The following ADGRL2 variants were observed in gnomAD, a reference collection of about 807,000 sequenced individuals.
The protein encoded by ADGRL2 is calcium-independent alpha-latrotoxin receptor 2.
Under a neutral mutation model 157.4 loss-of-function variants are expected in ADGRL2, and 44 were observed. The observed-to-expected ratio is 0.28, with a 90% CI of 0.22 to 0.36. The LOEUF (loss-of-function observed/expected upper bound fraction) is 0.36, where lower values mean the gene tolerates loss of function less well. Ranked by LOEUF, ADGRL2 falls within the 10% of genes least tolerant of loss-of-function variation. ADGRL2 has a pLI of 1.00. For synonymous variants in ADGRL2, 585 were observed against 624.7 expected (o/e 0.94, Z 0.95); for missense variants, 1,510 against 1,768.9 (o/e 0.85, Z 2.63).
chr1:81,547,850 T>G (rs1328271489), intron 2 of ADGRL2, among the ~76,000 whole-genome samples: 1 of 152,210 alleles, frequency 6.6e-6, no homozygotes, highest in Non-Finnish European at 1.5e-5. Flanking sequence ...TGCTTTAATT[T>G]ACTATCTCAA....
upstream of ADGRL2, among the ~76,000 whole-genome samples, chr1:81,696,013 A>G (rs559361535): frequency 1.3e-3 from 200 of 152,210 alleles, no homozygotes; most frequent in African/African-American, 4.5e-3. Context: ...CTCTCTCGCC[A>G]TCCAGTGCTG....
chr1:81,615,279 G>T (rs1487386593), intron 3 of ADGRL2, among the ~76,000 whole-genome samples: 2 of 152,184 alleles, frequency 1.3e-5, no homozygotes, highest in Non-Finnish European at 2.9e-5. Context: ...GGACCAATCA[G>T]CAGGATGTGG....
intron 2 of ADGRL2, among the ~76,000 whole-genome samples, chr1:81,906,201 C>T (rs904095599): frequency 6.6e-6 from 1 of 152,124 alleles, no homozygotes; most frequent in Non-Finnish European, 1.5e-5. Flanking sequence ...CTGAAGATTT[C>T]TGAGTTCCAG....
intron 3 of ADGRL2, among the ~76,000 whole-genome samples, chr1:81,637,861 C>T (rs2082143809): frequency 6.6e-6 from 1 of 151,468 alleles, no homozygotes; most frequent in Non-Finnish European, 1.5e-5. Context: ...TACCATACAC[C>T]TAGTGAATGT....
intron 3 of ADGRL2, among the ~76,000 whole-genome samples, chr1:81,654,308 C>T (rs1181930654): frequency 6.6e-6 from 1 of 152,170 alleles, no homozygotes; most frequent in African/African-American, 2.4e-5. Flanking sequence ...CTCAGTCACC[C>T]AGCCTCGAAA....
chr1:81,657,033 A>G (rs2082549676), intron 3 of ADGRL2, among the ~76,000 whole-genome samples: 1 of 148,010 alleles, frequency 6.8e-6, no homozygotes, highest in African/African-American at 2.5e-5. Context: ...AAAAAAATTC[A>G]GAAAGCCATG....
intron 3 of ADGRL2, among the ~76,000 whole-genome samples, chr1:81,691,904 ATATAGATATATG>A (rs1350668606): frequency 1.8e-4 from 26 of 147,296 alleles, no homozygotes; most frequent in Non-Finnish European, 1.4e-4. Context: ...ATGTATGTGT[ATATAGATATATG>A]TGTGTATATA....
At chr1:81,554,410 G>A (rs1180373152) in intron 2 of ADGRL2, among the ~76,000 whole-genome samples, 1 of 151,984 alleles carries the variant, frequency 6.6e-6, no homozygotes, top group Non-Finnish European at 1.5e-5. Context: ...CTTGCTGCTG[G>A]GTTCAAGGCC....
At chr1:81,433,247 C>T (rs1317739668) in intron 1 of ADGRL2, among the ~76,000 whole-genome samples, 1 of 152,102 alleles carries the variant, frequency 6.6e-6, no homozygotes, top group East Asian at 1.9e-4. Flanking sequence ...TCCTATTTTA[C>T]TTGAATAATT....
At chr1:81,922,339 T>C (rs1259599858) in intron 3 of ADGRL2, among the ~76,000 whole-genome samples, 1 of 152,152 alleles carries the variant, frequency 6.6e-6, no homozygotes, top group Non-Finnish European at 1.5e-5. Flanking sequence ...GTGAATTCCC[T>C]CCTTTCACTT....
rs561779656 is a variant in ADGRL2 at position 81,442,972 on chromosome 1, C to T, written c.-301-2064C>T. ...AATTATTGGTCTCCAAAAACCTACTCTGTTGCTCTCACAATAGTAATTTAA... is the reference window on the plus strand; with the variant it reads ...AATTATTGGTCTCCAAAAACCTACTTTGTTGCTCTCACAATAGTAATTTAA... On this transcript the variant is annotated intron_variant, in intron 1 of 24. Transcript: ENST00000370721. Among the ~76,000 whole-genome samples the T allele has an allele frequency of 2.0e-5, 3 of 152,334 alleles. No individual in the cohort carries two copies. The South Asian group carries it at 6.2e-4, about 32-fold the overall frequency.
At chr1:81,310,154 A>G (rs1396564115) in intron 1 of ADGRL2, among the ~76,000 whole-genome samples, 1 of 152,176 alleles carries the variant, frequency 6.6e-6, no homozygotes, top group African/African-American at 2.4e-5. Flanking sequence ...GTAGCAATGC[A>G]TGTTTAAACG....
intron 3 of ADGRL2, among the ~76,000 whole-genome samples, chr1:81,631,628 G>A (rs2082012555): frequency 1.3e-5 from 2 of 152,188 alleles, no homozygotes; most frequent in Admixed American, 1.3e-4. Context: ...GGTATGAGGT[G>A]CAATGGATCA....
In ADGRL2 at chr1:81,443,218, C is replaced by T. The variant is rs549515102; in HGVS notation, c.-301-1818C>T. On this transcript the variant is annotated intron_variant, in intron 1 of 24. Coordinates refer to the ADGRL2 transcript ENST00000370721. ...GGTGGATCACCTGAAGTCAAGAGTT[C>T]GAGATCAGCCTGGCCAACATGATGA... 5.3e-5 allele frequency among the ~76,000 whole-genome samples: 8 copies of T among 152,152 alleles called. No homozygotes were observed. The South Asian group carries it at 8.3e-4, about 16-fold the overall frequency.
intron 1 of ADGRL2, among the ~76,000 whole-genome samples, chr1:81,726,050 C>T (rs1296661875): frequency 6.6e-6 from 1 of 152,130 alleles, no homozygotes; most frequent in Non-Finnish European, 1.5e-5. Flanking sequence ...TCTTTAGGCA[C>T]TGTTGATTCA....
At chr1:81,314,754 G>C (rs769315921) in intron 1 of ADGRL2, among the ~76,000 whole-genome samples, 31 of 152,152 alleles carry the variant, frequency 2.0e-4, no homozygotes, top group Non-Finnish European at 3.2e-4. Context: ...AATTTCACCA[G>C]GCTTTTGTGC....
At chr1:81,861,874 C>G (rs1237172718) in intron 2 of ADGRL2, among the ~76,000 whole-genome samples, 1 of 151,480 alleles carries the variant, frequency 6.6e-6, no homozygotes, top group Non-Finnish European at 1.5e-5. Context: ...CAGAGCAAGA[C>G]TCCATCTCAA....
chr1:81,641,847 A>C (rs969699480), intron 3 of ADGRL2, among the ~76,000 whole-genome samples: 6 of 152,130 alleles, frequency 3.9e-5, no homozygotes, highest in African/African-American at 1.4e-4. Context: ...GAAATTAATC[A>C]ATAAATTAAA....
intron 1 of ADGRL2, among the ~76,000 whole-genome samples, chr1:81,330,769 C>T (rs1336583146): frequency 6.6e-6 from 1 of 152,100 alleles, no homozygotes; most frequent in East Asian, 1.9e-4. Context: ...TGTTTCACAC[C>T]TTTGGAGGTT....
Sources: gnomAD v4.1 joint callset for allele counts (sites outside exome capture counted in the v4.1 genomes callset) on GRCh38, gnomAD v4.1.1 for gene constraint, MANE v1.5 for transcripts, NCBI Gene and HGNC (gene_info 2026-07-23, HGNC 2026-07-21) for gene names.